GNAQ: variants seen among roughly 807,000 people sequenced by gnomAD.
The protein encoded by GNAQ is G protein subunit alpha q, also known as guanine nucleotide-binding protein G(q) subunit alpha.
A neutral mutation model predicts 43.9 loss-of-function variants in GNAQ; 8 were observed. The ratio of observed to expected loss-of-function variants is 0.18; its 90% CI spans 0.11 to 0.33. GNAQ has a LOEUF of 0.33. GNAQ is among the 10% of genes least tolerant of loss of function. GNAQ has a pLI of 1.00. For synonymous variants in GNAQ, 155 were observed against 170.7 expected, an observed-to-expected ratio of 0.91 and a Z score of 0.71; for missense variants, 158 against 450.8, an observed-to-expected ratio of 0.35 and a Z score of 5.88.
rs560036311 is a variant in GNAQ, at chr9:77,803,717, T to C, written c.477-6069A>G. Among the ~76,000 whole-genome samples the C allele has an allele frequency of 2.0e-3, 309 of 152,324 alleles. 2 individuals are homozygous for C. Among genetic ancestry groups the C allele is most frequent in the African/African-American group, 7.2e-3 (301 of 41,556 alleles). On this transcript the variant is annotated intron_variant, in intron 3 of 6. Transcript: ENST00000286548. ...ACATAAAAACAAGAATGGTGAGATT[T>C]ATAGAGATGAAATGAACCTTTGTAT...
At chr9:77,931,294 T>G (rs1829145810) in intron 1 of GNAQ, among the ~76,000 whole-genome samples, 1 of 151,922 alleles carries the variant, frequency 6.6e-6, no homozygotes, top group African/African-American at 2.4e-5. Flanking sequence ...TCACTGCCAA[T>G]TTATTTAAAG....
At chr9:77,861,002 A>G (rs1827841706) in intron 2 of GNAQ, among the ~76,000 whole-genome samples, 1 of 152,158 alleles carries the variant, frequency 6.6e-6, no homozygotes, top group Admixed American at 6.5e-5. Flanking sequence ...GTATTAGTCC[A>G]TTTTCATGCT....
chr9:77,946,097 AG>A (rs1421801552), intron 1 of GNAQ, among the ~76,000 whole-genome samples: 1 of 152,196 alleles, frequency 6.6e-6, no homozygotes, highest in Admixed American at 6.5e-5. Flanking sequence ...GACGCAGAGG[AG>A]AGAGGACCAA....
intron 2 of GNAQ, among the ~76,000 whole-genome samples, chr9:77,860,936 C>T (rs1333532599): frequency 2.0e-5 from 3 of 152,184 alleles, no homozygotes; most frequent in African/African-American, 7.2e-5. Flanking sequence ...AATTTGTGAA[C>T]ATATTACTGT....
At chr9:77,730,457 C>A (rs2118224629) in intron 5 of GNAQ, among the ~76,000 whole-genome samples, 1 of 152,252 alleles carries the variant, frequency 6.6e-6, no homozygotes, top group East Asian at 1.9e-4. Flanking sequence ...TAATCTGGAT[C>A]CTGAATATGT....
chr9:77,863,626 A>C (rs774573013), intron 2 of GNAQ, among the ~76,000 whole-genome samples: 15 of 152,078 alleles, frequency 9.9e-5, no homozygotes, highest in Non-Finnish European at 1.8e-4. Flanking sequence ...GTACCAATTT[A>C]CCGTACTAGT....
chr9:77,992,837 T>C (rs534769037), intron 1 of GNAQ, among the ~76,000 whole-genome samples: 3 of 152,008 alleles, frequency 2.0e-5, no homozygotes, highest in South Asian at 4.2e-4. Context: ...CCCAGCTACT[T>C]GGGAGGCTGA....
At chr9:77,948,086 A>G (rs972933477) in intron 1 of GNAQ, among the ~76,000 whole-genome samples, 3 of 152,244 alleles carry the variant, frequency 2.0e-5, no homozygotes, top group African/African-American at 7.2e-5. Context: ...TGTTATTAAT[A>G]TTTATTTCTG....
chr9:77,922,838 ATTTTT>A (rs375631452), intron 1 of GNAQ, among the ~76,000 whole-genome samples: 1 of 151,744 alleles, frequency 6.6e-6, no homozygotes, highest in Non-Finnish European at 1.5e-5. Context: ...TCCCTATTTT[ATTTTT>A]TTTAGACACA....
chr9:77,922,094 G>A (rs1829006566), intron 2 of GNAQ, 67 bp downstream of exon 2: 3 of 1,060,996 alleles, frequency 2.8e-6, no homozygotes, highest in Non-Finnish European at 4.3e-6. Context: ...GAGGCTACTC[G>A]TGTTGTCACA....
At chr9:77,891,854 CA>C (rs1023593546) in intron 2 of GNAQ, among the ~76,000 whole-genome samples, 2 of 152,176 alleles carry the variant, frequency 1.3e-5, no homozygotes, top group African/African-American at 4.8e-5. Context: ...CCTTCAAGCA[CA>C]TTTTAGACTC....
chr9:77,877,209 C>T (rs1462761006), intron 2 of GNAQ, among the ~76,000 whole-genome samples: 1 of 152,172 alleles, frequency 6.6e-6, no homozygotes, highest in Middle Eastern at 3.2e-3. Context: ...AACCAACTCT[C>T]CCCGAAGAAT....
At chr9:77,933,661 T>C (rs1435539477) in intron 1 of GNAQ, among the ~76,000 whole-genome samples, 3 of 150,176 alleles carry the variant, frequency 2.0e-5, no homozygotes, top group Non-Finnish European at 3.0e-5. Context: ...AGTGGCACCA[T>C]TGATACATGC....
At chr9:77,834,441 C>A (rs997759590) in intron 2 of GNAQ, among the ~76,000 whole-genome samples, 2 of 151,990 alleles carry the variant, frequency 1.3e-5, no homozygotes, top group Non-Finnish European at 2.9e-5. Context: ...GATTCTATGG[C>A]TTGAATGGTT....
chr9:77,761,834 G>A (rs1459611550), intron 5 of GNAQ, among the ~76,000 whole-genome samples: 6 of 52,158 alleles, frequency 1.2e-4, no homozygotes, highest in South Asian at 1.5e-3. Context: ...CAGCCGCCCC[G>A]TCCGGGAGGG....
At chr9:77,749,615 G>C (rs904037436) in intron 5 of GNAQ, among the ~76,000 whole-genome samples, 12 of 152,142 alleles carry the variant, frequency 7.9e-5, no homozygotes, top group African/African-American at 2.9e-4. Context: ...AATAGGTGAA[G>C]GGTTAATTCC....
At chr9:77,908,182 G>T (rs1310073512) in intron 2 of GNAQ, among the ~76,000 whole-genome samples, 1 of 151,952 alleles carries the variant, frequency 6.6e-6, no homozygotes, top group East Asian at 1.9e-4. Flanking sequence ...TTCGTTATTC[G>T]ACTATCTGCC....
chr9:78,031,014 G>T (rs1824050928), intron 1 of GNAQ, 86 bp downstream of exon 1: 3 of 1,004,664 alleles, frequency 3.0e-6, no homozygotes, highest in Admixed American at 4.4e-5. Flanking sequence ...GCCGGGGGGC[G>T]GGGGCGCCGA....
At chr9:78,028,600 C>T (rs1274523500) in intron 1 of GNAQ, among the ~76,000 whole-genome samples, 1 of 152,174 alleles carries the variant, frequency 6.6e-6, no homozygotes, top group Admixed American at 6.5e-5. Context: ...ATTTTCATTT[C>T]AAAATACTTA....
Sources: allele counts gnomAD v4.1 joint callset (sites outside exome capture counted in the v4.1 genomes callset), GRCh38; gene constraint gnomAD v4.1.1; transcripts MANE v1.5; gene names NCBI Gene and HGNC (gene_info 2026-07-23, HGNC 2026-07-21).